The following ARHGEF28 variants were observed in gnomAD, a reference collection of about 807,000 sequenced individuals.
The protein encoded by ARHGEF28 is Rho guanine nucleotide exchange factor 28.
Under a neutral mutation model 206.6 loss-of-function variants are expected in ARHGEF28, and 152 were observed. The observed-to-expected ratio is 0.74, with a 90% CI of 0.64 to 0.84. ARHGEF28 has a LOEUF of 0.84. ARHGEF28 is among the 40% of genes least tolerant of loss of function. The probability of loss-of-function intolerance (pLI) is 0.00; values close to 1 mark genes in which losing one functional copy is unlikely to be tolerated. For missense variants in ARHGEF28, 2,028 were observed against 2,073.2 expected (o/e 0.98, Z 0.42); for synonymous variants, 763 against 776.4 (o/e 0.98, Z 0.29).
At chr5:73,626,607 T>C (rs1282854108) in intron 1 of ARHGEF28, among the ~76,000 whole-genome samples, 1 of 151,876 alleles carries the variant, frequency 6.6e-6, no homozygotes, top group Non-Finnish European at 1.5e-5. Context: ...AGCCGGGGGC[T>C]GGGCGGGTGA....
chr5:73,824,704 G>C (rs1250523985), intron 9 of ARHGEF28, among the ~76,000 whole-genome samples: 2 of 152,078 alleles, frequency 1.3e-5, no homozygotes, highest in Non-Finnish European at 2.9e-5. Flanking sequence ...CTGACCTCAG[G>C]TGATTCACCC....
chr5:73,795,344 T>G lies in ARHGEF28; in HGVS notation c.977T>G (p.Leu326Arg), dbSNP rs1360916277. The change falls in exon 9 of 36, where the codon CTG becomes CGG. Residue 326 changes from leucine to arginine, a missense_variant. Physicochemically the swap from Leu to Arg is moderately radical, Grantham distance 102. Transcript: ENST00000513042. ...EKEDIKRVKS[L>R]VVQHNEHEDQ... The stretch of plus-strand genomic sequence containing the variant: ...TATCTCTTCCAGCGTGTCAAAAGCC[T>G]GGTGGTTCAACACAATGAACATGAA... The G allele has an allele frequency of 6.2e-7, 1 of 1,613,734 alleles. No homozygotes were observed. The highest frequency in any genetic ancestry group is 1.3e-5 in the African/African-American group (1 of 74,934).
At chr5:73,743,070 T>G (rs1229218190) in intron 2 of ARHGEF28, among the ~76,000 whole-genome samples, 1 of 152,214 alleles carries the variant, frequency 6.6e-6, no homozygotes, top group Non-Finnish European at 1.5e-5. Flanking sequence ...CATATTTACC[T>G]ACTCGCTATT....
intron 9 of ARHGEF28, among the ~76,000 whole-genome samples, chr5:73,821,266 C>T (rs889916994): frequency 2.6e-5 from 4 of 151,938 alleles, no homozygotes; most frequent in South Asian, 2.1e-4. Flanking sequence ...GCCATTCTTC[C>T]GTTTATTCAT....
At chr5:73,795,244 A>G (rs1184668319) in intron 8 of ARHGEF28, 87 bp from the exon 9 acceptor site, 4 of 1,209,266 alleles carry the variant, frequency 3.3e-6, no homozygotes, top group South Asian at 1.3e-5. Context: ...GATGCTTTCC[A>G]AGGTTGTTTT....
intron 2 of ARHGEF28, among the ~76,000 whole-genome samples, chr5:73,696,820 C>T (rs952059708): frequency 1.1e-4 from 16 of 152,148 alleles, no homozygotes; most frequent in South Asian, 2.1e-4. Context: ...CAATAAACAG[C>T]GGTTGAGGCT....
intron 35 of ARHGEF28, among the ~76,000 whole-genome samples, chr5:73,920,545 GTTTTTTTTTTTT>G (rs756699052): frequency 1.8e-5 from 2 of 110,540 alleles, no homozygotes; most frequent in South Asian, 7.0e-4. Flanking sequence ...CGTCATCTAG[GTTTTTTTTTTTT>G]TTTTTTTTTT....
Position 73,885,965 on chromosome 5 carries a change from C to A in ARHGEF28, c.3171C>A (p.Ile1057=). The stretch of plus-strand genomic sequence containing the variant: ...AGAAAAACCAAAAATGGCTTGAGAT[C>A]CTAAATAAGATTGAAAACAAAACAT... ...EYEKNQKWLE[I]LNKIENKTYT... is the part of the protein sequence containing the mutation. Residue 1057 remains isoleucine, a synonymous_variant, in exon 25 of 36, where the codon ATC becomes ATA. Transcript: ENST00000513042. The A allele has an allele frequency of 6.2e-7, 1 of 1,613,478 alleles. No individual in the cohort carries two copies. The highest frequency in any genetic ancestry group is 8.5e-7 in the Non-Finnish European group (1 of 1,179,688).
intron 4 of ARHGEF28, among the ~76,000 whole-genome samples, chr5:73,763,677 C>G (rs756853574): frequency 5.9e-5 from 9 of 152,154 alleles, no homozygotes; most frequent in Non-Finnish European, 1.0e-4. Context: ...AGTTGGCTAT[C>G]AGCAAATATC....
chr5:73,814,642 CG>C (rs924694467), intron 9 of ARHGEF28, among the ~76,000 whole-genome samples: 1 of 152,020 alleles, frequency 6.6e-6, no homozygotes, highest in African/African-American at 2.4e-5. Context: ...TGTTTCTAAG[CG>C]GGTTGCCTCT....
At chr5:73,853,160 C>T (rs961309640) in intron 14 of ARHGEF28, among the ~76,000 whole-genome samples, 1 of 152,234 alleles carries the variant, frequency 6.6e-6, no homozygotes, top group Non-Finnish European at 1.5e-5. Context: ...GACTTTTAAG[C>T]ATGATCAGTT....
At chr5:73,869,116 T>C (rs1486215081) in intron 20 of ARHGEF28, among the ~76,000 whole-genome samples, 5 of 151,630 alleles carry the variant, frequency 3.3e-5, no homozygotes, top group Non-Finnish European at 1.5e-5. Context: ...TCTTAAGTCT[T>C]TAAATTCATT....
chr5:73,822,699 T>G (rs759896589), intron 9 of ARHGEF28, among the ~76,000 whole-genome samples: 5 of 152,184 alleles, frequency 3.3e-5, no homozygotes, highest in African/African-American at 7.2e-5. Context: ...CATAGCTCAC[T>G]GCAGCTTCTA....
At chr5:73,660,331 C>G (rs1311170151) in intron 1 of ARHGEF28, among the ~76,000 whole-genome samples, 1 of 152,204 alleles carries the variant, frequency 6.6e-6, no homozygotes, top group African/African-American at 2.4e-5. Flanking sequence ...CGCTCCACTT[C>G]CAATTCTAAT....
chr5:73,909,656 A>AGCGGCTGCAG lies in ARHGEF28; in HGVS notation c.4407_4408insCGGCTGCAGG (p.Ser1470ArgfsTer88). The stretch of plus-strand genomic sequence containing the variant: ...CAGCAGCGGGCGCAGGCGACCAGGG[A>AGCGGCTGCAG]GAGCTGGCTGCAGGAGCGGGAGCGG... On this transcript the variant is annotated frameshift_variant, in exon 34 of 36. Transcript: ENST00000513042. LOFTEE classifies it high-confidence loss of function. 1 of 1,546,016 alleles carries AGCGGCTGCAG rather than the reference A, an allele frequency of 6.5e-7. No individual in the cohort carries two copies. The highest frequency in any genetic ancestry group is 8.7e-7 in the Non-Finnish European group (1 of 1,144,806).
chr5:73,815,190 G>GTATA (rs34284444), intron 9 of ARHGEF28, among the ~76,000 whole-genome samples: 3,807 of 148,494 alleles, frequency 0.026, 81 homozygotes, highest in Non-Finnish European at 0.037. Context: ...GATTCAGGGG[G>GTATA]TATATATATA....
In ARHGEF28 at chr5:73,888,433, C is replaced by A. The variant is rs186603938; in HGVS notation, c.3387+754C>A. On this transcript the variant is annotated intron_variant, in intron 26 of 35. Transcript: ENST00000513042. ...GTCCAGCAGCTTCTCAATGCTGTTACCTGAGATGCTTGAGATTCTCTTAAA... is the reference window on the plus strand; with the variant it reads ...GTCCAGCAGCTTCTCAATGCTGTTAACTGAGATGCTTGAGATTCTCTTAAA... Among the ~76,000 whole-genome samples, 353 of 152,242 alleles carry A rather than the reference C, an allele frequency of 2.3e-3. 2 individuals are homozygous for A. The highest frequency in any genetic ancestry group is 3.7e-3 in the Non-Finnish European group (254 of 68,028).
chr5:73,865,588 G>A (rs1759656412), intron 17 of ARHGEF28, among the ~76,000 whole-genome samples: 1 of 152,120 alleles, frequency 6.6e-6, no homozygotes, highest in Non-Finnish European at 1.5e-5. Flanking sequence ...GCTACAGGTG[G>A]TTGTCTCCTA....
At chr5:73,768,234 G>A (rs902538838) in intron 4 of ARHGEF28, among the ~76,000 whole-genome samples, 3 of 152,164 alleles carry the variant, frequency 2.0e-5, no homozygotes, top group African/African-American at 7.2e-5. Flanking sequence ...GTTCCTACTG[G>A]GACACTGCCT....
Sources: allele counts gnomAD v4.1 joint callset (sites outside exome capture counted in the v4.1 genomes callset), GRCh38; gene constraint gnomAD v4.1.1; transcripts MANE v1.5; gene names NCBI Gene and HGNC (gene_info 2026-07-23, HGNC 2026-07-21).